The following PAK2 variants were observed in gnomAD, a reference collection of about 807,000 sequenced individuals.
PAK2 encodes p21 (RAC1) activated kinase 2.
PAK2 carries 21 observed loss-of-function variants against 65.9 expected under a neutral mutation model. The observed-to-expected ratio is 0.32, with a 90% CI of 0.23 to 0.46. The LOEUF (loss-of-function observed/expected upper bound fraction) is 0.46, where lower values mean the gene tolerates loss of function less well. Among genes scored for constraint, PAK2 ranks in the 20% least tolerant of loss-of-function variants. The pLI is 1.00. For synonymous variants in PAK2, 204 were observed against 219.7 expected, an observed-to-expected ratio of 0.93 and a Z score of 0.63; for missense variants, 324 against 642.6, an observed-to-expected ratio of 0.50 and a Z score of 5.36.
At chr3:196,802,963 A>T in intron 3 of PAK2, 54 bp from the exon 4 acceptor site, 1 of 1,208,460 alleles carries the variant, frequency 8.3e-7, no homozygotes, top group African/African-American at 1.6e-5. Context: ...TCTGGAAATT[A>T]ATTTTATTGC....
At position 196,768,769 on chromosome 3, in the gene PAK2, G is replaced by A. The variant is rs1018542143; in HGVS notation, c.-21-13857G>A. 5.9e-5 allele frequency among the ~76,000 whole-genome samples: 9 copies of A among 151,768 alleles called. No homozygotes were observed. The East Asian group carries it at 1.7e-3, about 29-fold the overall frequency. On this transcript the variant is annotated intron_variant, in intron 1 of 14. Coordinates refer to ENST00000327134, the MANE Select transcript of PAK2 (RefSeq NM_002577.4). The stretch of plus-strand genomic sequence containing the variant: ...CAACCTCCTCCTCATGAGTTCAAGC[G>A]ATTCTCCTGCCTCAGCCTCTTGAGT...
At chr3:196,824,386 C>G (rs1206231324) in intron 13 of PAK2, among the ~76,000 whole-genome samples, 1 of 152,174 alleles carries the variant, frequency 6.6e-6, no homozygotes, top group Non-Finnish European at 1.5e-5. Context: ...CAGGCAGATG[C>G]AGCCCATAAT....
At chr3:196,776,699 C>G (rs1270286248) in intron 1 of PAK2, among the ~76,000 whole-genome samples, 1 of 152,120 alleles carries the variant, frequency 6.6e-6, no homozygotes, top group African/African-American at 2.4e-5. Context: ...CTTCAAAACC[C>G]AGGGAACCAA....
Position 196,769,638 on chromosome 3 carries a change from C to T in PAK2, c.-21-12988C>T, listed in dbSNP as rs537160541. On this transcript the variant is annotated intron_variant, in intron 1 of 14. Transcript: ENST00000327134. ...TGTCCTGGCTAACACGGTGAAACCC[C>T]GTCTCTCCTAAAAAAAAAAATACAA... 4.3e-4 allele frequency among the ~76,000 whole-genome samples: 42 copies of T among 97,668 alleles called. No individual in the cohort carries two copies. The East Asian group carries it at 5.4e-3, about 13-fold the overall frequency. The allele number at this position is 97,668 out of a possible 152,430, so 64.1% of individuals were successfully genotyped here. A position where few individuals can be genotyped will look rare whatever the true frequency, so the allele number is the denominator to read the frequency against.
intron 7 of PAK2, among the ~76,000 whole-genome samples, chr3:196,810,170 CTATATTCAAATATATCTATTT>C (rs1271029865): frequency 6.6e-6 from 1 of 151,742 alleles, no homozygotes; most frequent in African/African-American, 2.4e-5. Context: ...ATATCTATTT[CTATATTCAAATATATCTATTT>C]TATATTCAAA....
chr3:196,783,522 C>T, intron 2 of PAK2, among the ~76,000 whole-genome samples: 1 of 147,646 alleles, frequency 6.8e-6, no homozygotes, highest in Non-Finnish European at 1.5e-5. Flanking sequence ...GTGGAGGTTA[C>T]AGTGAGCCAA....
At chr3:196,807,542 G>C (rs898788880) in intron 6 of PAK2, among the ~76,000 whole-genome samples, 1 of 152,006 alleles carries the variant, frequency 6.6e-6, no homozygotes, top group African/African-American at 2.4e-5. Flanking sequence ...TTCATTCATG[G>C]ACCTGCTGTT....
intron 9 of PAK2, 101 bp from the exon 10 acceptor site, chr3:196,812,638 G>A (rs867664385): frequency 2.0e-5 from 13 of 638,090 alleles, no homozygotes; most frequent in Middle Eastern, 4.2e-4. Flanking sequence ...ATAGCATGGT[G>A]TAATACAGTA....
intron 1 of PAK2, among the ~76,000 whole-genome samples, chr3:196,759,516 T>TG (rs1713888639): frequency 8.0e-6 from 1 of 125,084 alleles, no homozygotes; most frequent in African/African-American, 3.0e-5. Flanking sequence ...TTTTTTTTTT[T>TG]TTTTTTTTTT....
chr3:196,824,002 C>T (rs746330592), intron 13 of PAK2, among the ~76,000 whole-genome samples: 5 of 151,828 alleles, frequency 3.3e-5, no homozygotes, highest in Admixed American at 6.6e-5. Flanking sequence ...TGAAGGGGGA[C>T]GTGTTCAGAA....
intron 1 of PAK2, among the ~76,000 whole-genome samples, chr3:196,742,537 A>G (rs1352570323): frequency 6.6e-6 from 1 of 152,252 alleles, no homozygotes; most frequent in African/African-American, 2.4e-5. Flanking sequence ...CCTTTTATCC[A>G]TCAAAATCGA....
At chr3:196,747,863 G>T (rs182615744) in intron 1 of PAK2, among the ~76,000 whole-genome samples, 2 of 152,110 alleles carry the variant, frequency 1.3e-5, no homozygotes, top group Non-Finnish European at 2.9e-5. Context: ...TGAGAAGCTT[G>T]TTCTCACGTT....
intron 1 of PAK2, among the ~76,000 whole-genome samples, chr3:196,767,348 A>G (rs1315370344): frequency 1.3e-5 from 2 of 152,172 alleles, no homozygotes; most frequent in South Asian, 2.1e-4. Flanking sequence ...ACTGTGTTAT[A>G]TTGCTTTCCT....
At chr3:196,805,038 T>C (rs910123885) in intron 4 of PAK2, among the ~76,000 whole-genome samples, 8 of 152,018 alleles carry the variant, frequency 5.3e-5, no homozygotes, top group Non-Finnish European at 1.0e-4. Flanking sequence ...TAAATACAGA[T>C]TGATAGGTAT....
At chr3:196,760,843 G>T (rs1713935266) in intron 1 of PAK2, among the ~76,000 whole-genome samples, 1 of 152,202 alleles carries the variant, frequency 6.6e-6, no homozygotes, top group Admixed American at 6.5e-5. Context: ...AACGTTTGTT[G>T]GTGCCTCCGT....
intron 14 of PAK2, 89 bp downstream of exon 14, chr3:196,827,422 A>G: frequency 6.5e-7 from 1 of 1,531,002 alleles, no homozygotes; most frequent in Non-Finnish European, 8.7e-7. Flanking sequence ...AGTAGATTTC[A>G]CTACTCATTG....
At chr3:196,808,174 T>C (rs538071897) in intron 7 of PAK2, 60 of 273,552 alleles carry the variant, frequency 2.2e-4, no homozygotes, top group African/African-American at 1.2e-3. Flanking sequence ...AAAAATTAGC[T>C]GGATGTGCTG....
chr3:196,824,021 G>T (rs189516660), intron 13 of PAK2, among the ~76,000 whole-genome samples: 13 of 152,082 alleles, frequency 8.5e-5, no homozygotes, highest in African/African-American at 3.1e-4. Flanking sequence ...AAACAAGCAG[G>T]TTCTTCGGAA....
At chr3:196,827,153 T>G in intron 13 of PAK2, 43 bp from the exon 14 acceptor site, 1 of 1,425,290 alleles carries the variant, frequency 7.0e-7, no homozygotes, top group Non-Finnish European at 9.7e-7. Flanking sequence ...TGTGACCGTG[T>G]TGAGCTATCT....
Sources: allele counts gnomAD v4.1 joint callset (sites outside exome capture counted in the v4.1 genomes callset), GRCh38; gene constraint gnomAD v4.1.1; transcripts MANE v1.5; gene names NCBI Gene and HGNC (gene_info 2026-07-23, HGNC 2026-07-21).